BLTP1: variants seen among roughly 807,000 people sequenced by gnomAD.
The protein encoded by BLTP1 is bridge-like lipid transfer protein family member 1.
chr4:122,219,937 T>C, the BLTP1 span, among the ~76,000 whole-genome samples: 1 of 152,170 alleles, frequency 6.6e-6, no homozygotes, highest in South Asian at 2.1e-4. Flanking sequence ...GGTGGACCTG[T>C]TATAAAATGG....
At chr4:122,220,732 A>C in the BLTP1 span, among the ~76,000 whole-genome samples, 95 of 152,304 alleles carry the variant, frequency 6.2e-4, no homozygotes, top group East Asian at 3.9e-4. Flanking sequence ...AAATGGAAAT[A>C]AGTACTTTCT....
the BLTP1 span, among the ~76,000 whole-genome samples, chr4:122,319,775 G>A: frequency 3.3e-5 from 5 of 151,838 alleles, no homozygotes; most frequent in Admixed American, 1.3e-4. Flanking sequence ...GTCTTACCTC[G>A]TGATCCACCC....
chr4:122,184,269 C>T, the BLTP1 span, among the ~76,000 whole-genome samples: 2 of 152,150 alleles, frequency 1.3e-5, no homozygotes, highest in Non-Finnish European at 2.9e-5. Flanking sequence ...GCCATCTCTG[C>T]AGTGTAAGTA....
At chr4:122,277,108 G>A in the BLTP1 span, 2 of 978,734 alleles carry the variant, frequency 2.0e-6, no homozygotes, top group Middle Eastern at 5.2e-4. Context: ...GAGCCAAGGT[G>A]GGAGGATTGC....
chr4:122,329,542 C>CT, the BLTP1 span, among the ~76,000 whole-genome samples: 76 of 145,636 alleles, frequency 5.2e-4, no homozygotes, highest in African/African-American at 1.6e-3. Flanking sequence ...AAATTCTTCC[C>CT]TTTTTTTTTT....
chr4:122,310,965 T>A, the BLTP1 span: 1 of 813,466 alleles, frequency 1.2e-6, no homozygotes, highest in Non-Finnish European at 1.5e-6. Context: ...TTTTACACAA[T>A]AGTTATACAT....
At chr4:122,355,254 C>G in the BLTP1 span, among the ~76,000 whole-genome samples, 20 of 152,118 alleles carry the variant, frequency 1.3e-4, no homozygotes, top group East Asian at 3.5e-3. Flanking sequence ...TATAAAAGGT[C>G]TTTATAAAAC....
the BLTP1 span, among the ~76,000 whole-genome samples, chr4:122,169,113 A>G: frequency 3.9e-5 from 6 of 151,984 alleles, no homozygotes; most frequent in Non-Finnish European, 5.9e-5. Context: ...ATGCCTGGCT[A>G]GTTTTTTATT....
At chr4:122,327,254 C>G in the BLTP1 span, among the ~76,000 whole-genome samples, 1 of 151,444 alleles carries the variant, frequency 6.6e-6, no homozygotes, top group Non-Finnish European at 1.5e-5. Flanking sequence ...CCATGCATAC[C>G]AATATCCACA....
At chr4:122,329,873 C>T in the BLTP1 span, among the ~76,000 whole-genome samples, 7,544 of 151,662 alleles carry the variant, frequency 0.05, 259 homozygotes, top group Non-Finnish European at 0.074. Flanking sequence ...TGATTAGCAA[C>T]GGCCAACCTC....
the BLTP1 span, chr4:122,313,570 A>G: frequency 2.9e-6 from 4 of 1,387,294 alleles, no homozygotes; most frequent in South Asian, 3.9e-5. Flanking sequence ...AAAGAGTACA[A>G]TATATAGTCA....
the BLTP1 span, among the ~76,000 whole-genome samples, chr4:122,323,401 T>C: frequency 6.6e-6 from 1 of 151,586 alleles, no homozygotes; most frequent in South Asian, 2.1e-4. Flanking sequence ...AAAAAAAAAG[T>C]AATTGGTTTT....
chr4:122,161,457 G>T, the BLTP1 span, among the ~76,000 whole-genome samples: 1 of 150,396 alleles, frequency 6.6e-6, no homozygotes. Flanking sequence ...TTGAGACAGG[G>T]TCTTGCTCTG....
At chr4:122,208,692 A>C in the BLTP1 span, 1 of 973,846 alleles carries the variant, frequency 1.0e-6, no homozygotes, top group Non-Finnish European at 1.2e-6. Flanking sequence ...TTTCAATTCA[A>C]ATTTAGTTTT....
chr4:122,251,272 A>T, the BLTP1 span: 1 of 959,692 alleles, frequency 1.0e-6, no homozygotes, highest in Non-Finnish European at 1.2e-6. Context: ...GAATGTAGTA[A>T]CTGTTGTTCT....
At chr4:122,280,662 T>TAAAA in the BLTP1 span, among the ~76,000 whole-genome samples, 3 of 83,028 alleles carry the variant, frequency 3.6e-5, no homozygotes, top group African/African-American at 4.1e-5. Flanking sequence ...AAATTCCATC[T>TAAAA]AAAAAAAAAA....
the BLTP1 span, chr4:122,261,562 A>C: frequency 1.2e-5 from 12 of 984,284 alleles, no homozygotes; most frequent in Non-Finnish European, 1.4e-5. Flanking sequence ...TAATTGTGGA[A>C]AGTCTTTTTG....
At chr4:122,214,115 A>G in the BLTP1 span, 2 of 654,560 alleles carry the variant, frequency 3.1e-6, no homozygotes, top group Admixed American at 6.3e-5. Flanking sequence ...GACTTTTCCT[A>G]CTGTTTCTCT....
chr4:122,339,313 C>T, the BLTP1 span: 2 of 1,613,666 alleles, frequency 1.2e-6, no homozygotes, highest in Non-Finnish European at 1.7e-6. Flanking sequence ...GAACTGGAGA[C>T]TTTAGGGACT....
Sources: allele counts gnomAD v4.1 joint callset (sites outside exome capture counted in the v4.1 genomes callset), GRCh38; gene constraint gnomAD v4.1.1; transcripts MANE v1.5; gene names NCBI Gene and HGNC (gene_info 2026-07-23, HGNC 2026-07-21).